BRD7: variants seen among roughly 807,000 people sequenced by gnomAD.
The protein encoded by BRD7 is bromodomain-containing protein 7.
Under a neutral mutation model 82.1 loss-of-function variants are expected in BRD7, and 15 were observed. The ratio of observed to expected loss-of-function variants is 0.18; its 90% CI spans 0.12 to 0.28. BRD7 has a LOEUF of 0.28. Ranked by LOEUF, BRD7 falls within the 10% of genes least tolerant of loss-of-function variation. BRD7 has a pLI of 1.00. For synonymous variants in BRD7, 232 were observed against 266.9 expected (o/e 0.87, Z 1.27); for missense variants, 638 against 779.9 (o/e 0.82, Z 2.17).
intron 5 of BRD7, 118 bp from the exon 6 acceptor site, chr16:50,340,204 T>C (rs1265629802): frequency 9.8e-6 from 5 of 510,736 alleles, no homozygotes; most frequent in African/African-American, 2.0e-5. Context: ...CTTTCTTTAT[T>C]TACTAAACAA....
At chr16:50,321,386 C>T (rs2037095673) in intron 13 of BRD7, among the ~76,000 whole-genome samples, 1 of 151,816 alleles carries the variant, frequency 6.6e-6, no homozygotes, top group Non-Finnish European at 1.5e-5. Flanking sequence ...CATAGTGAAA[C>T]CCTGTCTCTA....
At chr16:50,335,916 A>C (rs1462789992) in intron 6 of BRD7, among the ~76,000 whole-genome samples, 1 of 152,206 alleles carries the variant, frequency 6.6e-6, no homozygotes, top group Non-Finnish European at 1.5e-5. Flanking sequence ...AAAACCATTA[A>C]AGCGATCTAT....
intron 5 of BRD7, among the ~76,000 whole-genome samples, chr16:50,344,197 C>T (rs1002789548): frequency 3.3e-5 from 5 of 152,292 alleles, no homozygotes; most frequent in Middle Eastern, 3.4e-3. Context: ...AGCTGAGGGT[C>T]CTGACTGTTA....
chr16:50,330,052 C>T (rs1405153622), intron 8 of BRD7, among the ~76,000 whole-genome samples: 1 of 152,188 alleles, frequency 6.6e-6, no homozygotes, highest in Non-Finnish European at 1.5e-5. Flanking sequence ...GCATCAAAGA[C>T]TCCTCTTTTT....
intron 2 of BRD7, among the ~76,000 whole-genome samples, chr16:50,357,826 C>T (rs1458968760): frequency 2.0e-5 from 3 of 152,118 alleles, no homozygotes; most frequent in East Asian, 1.9e-4. Flanking sequence ...ACTAAAAATA[C>T]AAAAATCCGC....
intron 5 of BRD7, among the ~76,000 whole-genome samples, chr16:50,346,081 A>G (rs1438380536): frequency 1.3e-5 from 2 of 152,248 alleles, no homozygotes; most frequent in African/African-American, 4.8e-5. Context: ...CTCAGACCAC[A>G]GTGCAATCAA....
chr16:50,350,178 A>G lies in BRD7; in HGVS notation c.447-11T>C, dbSNP rs566796212. 9.6e-6 allele frequency: 15 copies of G among 1,560,972 alleles called. No homozygotes were observed. The East Asian group carries it at 3.2e-4, about 34-fold the overall frequency. On this transcript the variant is annotated splice_polypyrimidine_tract_variant and intron_variant, in intron 4 of 16. Transcript: ENST00000394688. Reference sequence around the variant, plus strand: ...GCACTTGGATCTTTTCTGTAAAGATATGCAAAAGACAATGTAATATTTTAT... The same window carrying G: ...GCACTTGGATCTTTTCTGTAAAGATGTGCAAAAGACAATGTAATATTTTAT...
chr16:50,357,792 C>A (rs1274914577), intron 2 of BRD7, among the ~76,000 whole-genome samples: 1 of 151,962 alleles, frequency 6.6e-6, no homozygotes, highest in East Asian at 1.9e-4. Flanking sequence ...ACCAGCCTGG[C>A]CAACAAAGCG....
chr16:50,321,553 C>T (rs545876052), intron 13 of BRD7, among the ~76,000 whole-genome samples: 33 of 105,540 alleles, frequency 3.1e-4, no homozygotes, highest in Non-Finnish European at 5.1e-4. Flanking sequence ...GGCAACAGAG[C>T]GGGACTCCAT....
chr16:50,341,326 T>C (rs2038044189), intron 5 of BRD7, among the ~76,000 whole-genome samples: 1 of 152,060 alleles, frequency 6.6e-6, no homozygotes, highest in African/African-American at 2.4e-5. Flanking sequence ...TTACAGATAT[T>C]TGGAAAAGCT....
chr16:50,363,660 TGCGCGCGCGC>T (rs1555472868), intron 2 of BRD7, among the ~76,000 whole-genome samples: 104 of 102,510 alleles, frequency 1.0e-3, no homozygotes, highest in South Asian at 1.7e-3. Flanking sequence ...TGTGTGTGTG[TGCGCGCGCGC>T]GCGTGCGCGT....
intron 8 of BRD7, among the ~76,000 whole-genome samples, chr16:50,330,530 GGAAAT>G (rs1180655100): frequency 6.6e-6 from 1 of 151,862 alleles, no homozygotes; most frequent in East Asian, 1.9e-4. Flanking sequence ...TTATGACTTT[GGAAAT>G]GACTGATAGT....
intron 5 of BRD7, 61 bp downstream of exon 5, chr16:50,349,962 T>C: frequency 7.3e-7 from 1 of 1,366,674 alleles, no homozygotes; most frequent in African/African-American, 1.5e-5. Flanking sequence ...TGAGAAAGAT[T>C]CTGAATATCA....
chr16:50,368,654 G>A, intron 1 of BRD7, 72 bp downstream of exon 1: 1 of 1,476,996 alleles, frequency 6.8e-7, no homozygotes, highest in Non-Finnish European at 9.1e-7. Context: ...CCGCCCCGGA[G>A]CCACTGGGAA....
At chr16:50,363,768 T>C (rs774296121) in intron 2 of BRD7, among the ~76,000 whole-genome samples, 4 of 152,070 alleles carry the variant, frequency 2.6e-5, no homozygotes, top group Non-Finnish European at 5.9e-5. Context: ...TCCCCGCAAC[T>C]AAAATGCCAG....
chr16:50,354,493 G>C lies in BRD7; in HGVS notation c.389-11C>G. The C allele has an allele frequency of 6.2e-7, 1 of 1,606,784 alleles. No homozygotes were observed. Among genetic ancestry groups the C allele is most frequent in the Non-Finnish European group, 8.5e-7 (1 of 1,175,454 alleles). Reference sequence around the variant, plus strand: ...GTGTCTGTTCTACTTCTAAAGCAAAGAAGAAGGGAAAAGGGTATTTTAAAA... The same window carrying C: ...GTGTCTGTTCTACTTCTAAAGCAAACAAGAAGGGAAAAGGGTATTTTAAAA... On this transcript the variant is annotated splice_polypyrimidine_tract_variant and intron_variant, in intron 3 of 16. Transcript: ENST00000394688.
chr16:50,345,486 G>C (rs942577718), intron 5 of BRD7, among the ~76,000 whole-genome samples: 1 of 151,996 alleles, frequency 6.6e-6, no homozygotes, highest in African/African-American at 2.4e-5. Flanking sequence ...ATTGGATAAA[G>C]AGTCAAGACC....
intron 2 of BRD7, among the ~76,000 whole-genome samples, chr16:50,355,358 T>C (rs773998337): frequency 6.6e-6 from 1 of 152,202 alleles, no homozygotes; most frequent in Non-Finnish European, 1.5e-5. Flanking sequence ...AAAATTTCCA[T>C]GGAATTCAAC....
chr16:50,345,187 G>A (rs1350501513), intron 5 of BRD7, among the ~76,000 whole-genome samples: 1 of 152,168 alleles, frequency 6.6e-6, no homozygotes, highest in Non-Finnish European at 1.5e-5. Flanking sequence ...AAGTGAAGGA[G>A]AAATAAAATC....
Sources: gnomAD v4.1 joint callset for allele counts (sites outside exome capture counted in the v4.1 genomes callset) on GRCh38, gnomAD v4.1.1 for gene constraint, MANE v1.5 for transcripts, NCBI Gene and HGNC (gene_info 2026-07-23, HGNC 2026-07-21) for gene names.